Variants in LOXHD1 observed in about 807,000 individuals in gnomAD.
The protein encoded by LOXHD1 is lipoxygenase homology PLAT domains 1, also known as lipoxygenase homology domain-containing protein 1.
Under a neutral mutation model 248.2 loss-of-function variants are expected in LOXHD1, and 205 were observed. That is an observed-to-expected ratio of 0.83 (90% CI 0.74 to 0.93). The LOEUF (loss-of-function observed/expected upper bound fraction) is 0.93. Among genes scored for constraint, LOXHD1 ranks in the 40% least tolerant of loss-of-function variants. The pLI is 0.00. For synonymous variants in LOXHD1, 1,113 were observed against 1,162.8 expected, an observed-to-expected ratio of 0.96 and a Z score of 0.87; for missense variants, 2,930 against 2,971.6, an observed-to-expected ratio of 0.99 and a Z score of 0.33.
chr18:46,508,320 T>C (rs2034717840), intron 35 of LOXHD1, among the ~76,000 whole-genome samples: 1 of 152,130 alleles, frequency 6.6e-6, no homozygotes, highest in Non-Finnish European at 1.5e-5. Flanking sequence ...GAATGTGACC[T>C]TATTAGAAAG....
At chr18:46,543,590 T>A (rs1389373088) in intron 23 of LOXHD1, among the ~76,000 whole-genome samples, 1 of 151,906 alleles carries the variant, frequency 6.6e-6, no homozygotes, top group Non-Finnish European at 1.5e-5. Flanking sequence ...CTGACAGGCC[T>A]CGGTGTATGA....
intron 7 of LOXHD1, 90 bp from the exon 8 acceptor site, chr18:46,601,557 C>T (rs191230603): frequency 1.5e-5 from 23 of 1,510,954 alleles, no homozygotes; most frequent in Admixed American, 1.4e-4. Flanking sequence ...TACAACACCC[C>T]CAAAGCCCTC....
intron 7 of LOXHD1, among the ~76,000 whole-genome samples, chr18:46,603,231 TGAG>T (rs896410226): frequency 2.0e-5 from 3 of 151,602 alleles, no homozygotes; most frequent in African/African-American, 7.3e-5. Flanking sequence ...CTTTTCAGGA[TGAG>T]GAGAAGGCAG....
chr18:46,595,863 A>G (rs543254690), intron 8 of LOXHD1, among the ~76,000 whole-genome samples: 42 of 152,308 alleles, frequency 2.8e-4, no homozygotes, highest in Non-Finnish European at 5.9e-4. Context: ...CTCATTGTTA[A>G]CTGTGTATTG....
chr18:46,655,047 C>T (rs1424315122), intron 1 of LOXHD1, among the ~76,000 whole-genome samples: 1 of 152,194 alleles, frequency 6.6e-6, no homozygotes, highest in Non-Finnish European at 1.5e-5. Context: ...GATAACACAT[C>T]TGCTGCAATG....
intron 4 of LOXHD1, among the ~76,000 whole-genome samples, chr18:46,632,685 A>T (rs556396644): frequency 5.3e-5 from 8 of 152,242 alleles, no homozygotes; most frequent in Non-Finnish European, 1.0e-4. Context: ...CTTCTGGAGC[A>T]ATTTGATAGC....
At chr18:46,476,999 T>C (rs1282641951), downstream of LOXHD1, 4 of 579,766 alleles carry the variant, frequency 6.9e-6, no homozygotes, top group Admixed American at 3.0e-5. Context: ...TTATTGAAAC[T>C]GGGGAAAAGT....
chr18:46,611,011 C>T lies in LOXHD1; in HGVS notation c.611-87G>A, dbSNP rs893678955. On this transcript the variant is annotated intron_variant, in intron 5 of 40. Transcript: ENST00000642948. ...TTCATGGTCCGCCCACTGAAAGATG[C>T]TCTTCCAAAGTTAACAAGGGCAACT... 6 of 1,485,308 alleles carry T rather than the reference C, an allele frequency of 4.0e-6. No homozygotes were observed. The East Asian group carries it at 7.4e-5, about 18-fold the overall frequency. 92.0% of individuals were successfully genotyped at this position (1,485,308 alleles called of 1,614,324 possible).
chr18:46,546,437 GCATTCCATTCCATTTCAATACATTC>G (rs1196151310), intron 22 of LOXHD1, among the ~76,000 whole-genome samples: 1 of 130,846 alleles, frequency 7.6e-6, no homozygotes. Flanking sequence ...CTACTTCAAT[GCATTCCATTCCATTTCAATACATTC>G]CATTCCATTC....
At position 46,610,857 on chromosome 18, in the gene LOXHD1, A is replaced by C. The variant is rs1466780559; in HGVS notation, c.678T>G (p.Asp226Glu). 1.9e-6 allele frequency: 3 copies of C among 1,551,682 alleles called. No individual in the cohort carries two copies. Among genetic ancestry groups the C allele is most frequent in the Non-Finnish European group, 2.6e-6 (3 of 1,147,014 alleles). ...TCATCAGCTGCCCCAAATCCGGGGC[A>C]TCCAGGATGAACCTGTCTTCAGCTC... Reference protein sequence around the residue: ...EKGAEDRFILDAPDLGQLMKI... With the variant: ...EKGAEDRFILEAPDLGQLMKI... The change falls in exon 6 of 41, where the codon GAT becomes GAG. Residue 226 changes from aspartate to glutamate, a missense_variant. Transcript: ENST00000642948.
chr18:46,657,177 C>A lies in LOXHD1; in HGVS notation c.-144G>T, dbSNP rs2039194806. 1 of 1,358,012 alleles carries A rather than the reference C, an allele frequency of 7.4e-7. No homozygotes were observed. Among genetic ancestry groups the A allele is most frequent in the Non-Finnish European group, 9.9e-7 (1 of 1,006,374 alleles). The allele number at this position is 1,358,012 out of a possible 1,614,324, so 84.1% of individuals were successfully genotyped here. ...TGGGTGGGCCAGAGTGCCCCGTTTT[C>A]TTGGCTTCCCCGTGCCCAAGGTGCT... On this transcript the variant is annotated 5_prime_UTR_variant, in exon 1 of 41. Transcript: ENST00000642948.
chr18:46,546,482 A>ATTC (rs1568168021), intron 22 of LOXHD1, among the ~76,000 whole-genome samples: 2 of 115,466 alleles, frequency 1.7e-5, no homozygotes, highest in East Asian at 5.3e-4. Context: ...CCAACCCATC[A>ATTC]CATTCCATTC....
At chr18:46,494,223 A>C (rs896640299) in intron 37 of LOXHD1, among the ~76,000 whole-genome samples, 15 of 152,212 alleles carry the variant, frequency 9.9e-5, no homozygotes, top group African/African-American at 3.6e-4. Flanking sequence ...GTCTCTAATG[A>C]GATTTTAGGG....
chr18:46,560,601 C>T, intron 18 of LOXHD1, 56 bp from the exon 19 acceptor site: 1 of 1,438,226 alleles, frequency 7.0e-7, no homozygotes, highest in Non-Finnish European at 9.2e-7. Flanking sequence ...CCCAACGCCC[C>T]CAACACCCCC....
chr18:46,578,036 C>T (rs2037893230), intron 13 of LOXHD1, among the ~76,000 whole-genome samples, 169 bp from the exon 14 acceptor site: 2 of 152,174 alleles, frequency 1.3e-5, no homozygotes, highest in South Asian at 4.1e-4. Context: ...ACACCCACCC[C>T]CAATTTCTTC....
rs771989428 is a variant in LOXHD1, at chr18:46,567,513, C to T, written c.2245-1064G>A. ...GACAGGGAAGAGTTTTGTTGTTCTT[C>T]TGTGGTGCCAGGACTATGAAAGTCC... On this transcript the variant is annotated intron_variant, in intron 16 of 40. Transcript: ENST00000642948. Among the ~76,000 whole-genome samples, 69 of 152,182 alleles carry T rather than the reference C, an allele frequency of 4.5e-4. 1 individual carries two copies. The highest frequency in any genetic ancestry group is 9.1e-4 in the Non-Finnish European group (62 of 68,052).
chr18:46,523,623 T>C (rs2035686571), intron 31 of LOXHD1, among the ~76,000 whole-genome samples: 1 of 152,310 alleles, frequency 6.6e-6, no homozygotes, highest in East Asian at 1.9e-4. Context: ...GACACTACCC[T>C]GGCATAGTGG....
intron 40 of LOXHD1, among the ~76,000 whole-genome samples, chr18:46,480,318 C>T (rs1056019774): frequency 6.6e-6 from 1 of 152,052 alleles, no homozygotes; most frequent in African/African-American, 2.4e-5. Flanking sequence ...GCCAAATTTC[C>T]CTCCATTTCA....
intron 20 of LOXHD1, 184 bp downstream of exon 20, chr18:46,559,264 A>G (rs534583008): frequency 6.6e-7 from 1 of 1,526,420 alleles, no homozygotes; most frequent in African/African-American, 1.4e-5. Flanking sequence ...CCTGCCTGCA[A>G]TTCTCTCATA....
Sources: allele counts gnomAD v4.1 joint callset (sites outside exome capture counted in the v4.1 genomes callset), GRCh38; gene constraint gnomAD v4.1.1; transcripts MANE v1.5; gene names NCBI Gene and HGNC (gene_info 2026-07-23, HGNC 2026-07-21).